Variants in CUEDC1 observed in about 807,000 individuals in gnomAD.
The protein encoded by CUEDC1 is CUE domain-containing protein 1.
Under a neutral mutation model 43.7 loss-of-function variants are expected in CUEDC1, and 30 were observed. The observed-to-expected ratio is 0.69, with a 90% CI of 0.51 to 0.93. CUEDC1 has a LOEUF of 0.93. Among genes scored for constraint, CUEDC1 ranks in the 40% least tolerant of loss-of-function variants. The pLI, the probability that CUEDC1 is intolerant of heterozygous loss-of-function variation, is 0.00. For synonymous variants in CUEDC1, 223 were observed against 223.6 expected (o/e 1.00, Z 0.02); for missense variants, 486 against 549.0 (o/e 0.89, Z 1.15).
intron 6 of CUEDC1, among the ~76,000 whole-genome samples, chr17:57,869,436 C>A (rs2074006207): frequency 6.6e-6 from 1 of 152,200 alleles, no homozygotes; most frequent in Non-Finnish European, 1.5e-5. Context: ...ACAGCCAGCT[C>A]GTGTGTGCTC....
At chr17:57,865,436 T>C (rs1233916465) in intron 10 of CUEDC1, among the ~76,000 whole-genome samples, 1 of 152,168 alleles carries the variant, frequency 6.6e-6, no homozygotes, top group African/African-American at 2.4e-5. Flanking sequence ...CAAGTGAGTA[T>C]TTCTCCATCG....
intron 1 of CUEDC1, among the ~76,000 whole-genome samples, chr17:57,909,508 TCTC>T (rs2074562320): frequency 1.3e-5 from 2 of 152,166 alleles, no homozygotes; most frequent in South Asian, 2.1e-4. Context: ...CCCTTCCACA[TCTC>T]CTGGGCAAAC....
At chr17:57,864,940 CCAG>C (rs1371422444) in intron 10 of CUEDC1, among the ~76,000 whole-genome samples, 2 of 152,106 alleles carry the variant, frequency 1.3e-5, no homozygotes, top group African/African-American at 4.8e-5. Context: ...GCCTATAATC[CCAG>C]CTACTCGGGA....
intron 10 of CUEDC1, among the ~76,000 whole-genome samples, chr17:57,864,930 G>A (rs1459798163): frequency 2.6e-5 from 4 of 152,212 alleles, no homozygotes; most frequent in Non-Finnish European, 2.9e-5. Flanking sequence ...GATAGTGGGT[G>A]CCTATAATCC....
At chr17:57,953,041 T>G (rs3943640) in intron 1 of CUEDC1, among the ~76,000 whole-genome samples, 80,097 of 151,912 alleles carry the variant, frequency 0.53, 24,283 homozygotes, top group East Asian at 0.97. Context: ...TCCAAAGGGA[T>G]CTAAGGAACC....
intron 2 of CUEDC1, 67 bp downstream of exon 2, chr17:57,885,162 G>T (rs532412140): frequency 1.4e-5 from 21 of 1,484,574 alleles, no homozygotes; most frequent in Non-Finnish European, 1.7e-5. Context: ...TACCCGGGCC[G>T]TGCCCCTACC....
intron 1 of CUEDC1, among the ~76,000 whole-genome samples, chr17:57,915,342 G>C (rs2074628225): frequency 6.6e-6 from 1 of 151,780 alleles, no homozygotes; most frequent in South Asian, 2.1e-4. Flanking sequence ...GGCACGCTCA[G>C]AGGTCCCCTC....
chr17:57,955,078 C>T lies in CUEDC1; in HGVS notation c.-316+147G>A, dbSNP rs1381646143. 2 of 150,592 alleles carry T rather than the reference C, an allele frequency of 1.3e-5. No individual in the cohort carries two copies. The highest frequency in any genetic ancestry group is 3.0e-5 in the Non-Finnish European group (2 of 67,476). The allele number at this position is 150,592 out of a possible 1,614,324, so 9.3% of individuals were successfully genotyped here. On this transcript the variant is annotated intron_variant, in intron 1 of 10. Transcript: ENST00000577830. This position sits in a 1 kb window ranked among gnomAD's most constrained non-coding sequence, Gnocchi z 5.3. ...ACAGCCCCGGGAATCAAACTCGCGA[C>T]GGCCCGGCCCTCCCGGCGGCGCCTG... is the stretch of plus-strand genomic sequence containing the variant.
chr17:57,889,100 C>T (rs2074329083), intron 1 of CUEDC1, among the ~76,000 whole-genome samples: 1 of 152,258 alleles, frequency 6.6e-6, no homozygotes, highest in African/African-American at 2.4e-5. Flanking sequence ...CACTCCCCAG[C>T]TGTGGGACCT....
rs183075333 is a variant in CUEDC1 at position 57,880,541 on chromosome 17, G to A, written c.337-803C>T. Among the ~76,000 whole-genome samples, 638 of 152,304 alleles carry A rather than the reference G, an allele frequency of 4.2e-3. 3 individuals carry two copies. Among genetic ancestry groups the A allele is most frequent in the African/African-American group, 0.015 (617 of 41,550 alleles). On this transcript the variant is annotated intron_variant, in intron 2 of 10. Transcript: ENST00000577830. ...CCCAAGCTCTTGTCTTTATCCAGGAGCCAAGAAGAGGGCCAGGGAGAGGCC... is the reference window on the plus strand; with the variant it reads ...CCCAAGCTCTTGTCTTTATCCAGGAACCAAGAAGAGGGCCAGGGAGAGGCC...
At chr17:57,934,559 TAAAAAAAAAAAAAA>T (rs575832390) in intron 1 of CUEDC1, among the ~76,000 whole-genome samples, 2 of 65,336 alleles carry the variant, frequency 3.1e-5, no homozygotes, top group Admixed American at 1.9e-4. Flanking sequence ...CCTGTCTCTC[TAAAAAAAAAAAAAA>T]AAAAAAAAAA....
chr17:57,885,586 A>G lies in CUEDC1; in HGVS notation c.-22T>C. On this transcript the variant is annotated 5_prime_UTR_variant, in exon 2 of 11. Transcript: ENST00000577830. The stretch of plus-strand genomic sequence containing the variant: ...TCATTTTGCGGAGCCGCTTGGGGAA[A>G]ATGTTTCTAGCCGGCCGCAAAGCCC... 7.4e-7 allele frequency: 1 copy of G among 1,344,314 alleles called. No individual in the cohort carries two copies. The highest frequency in any genetic ancestry group is 9.5e-7 in the Non-Finnish European group (1 of 1,054,176). 83.3% of individuals were successfully genotyped at this position (1,344,314 alleles called of 1,614,324 possible). A position where few individuals can be genotyped will look rare whatever the true frequency, so the allele number is the denominator to read the frequency against.
chr17:57,892,137 G>GT (rs1324837986), intron 1 of CUEDC1, among the ~76,000 whole-genome samples: 1 of 152,104 alleles, frequency 6.6e-6, no homozygotes, highest in Admixed American at 6.5e-5. Flanking sequence ...GGCCTTTTCA[G>GT]TTTCCAAAGC....
At chr17:57,938,101 C>T (rs1229977088) in intron 1 of CUEDC1, among the ~76,000 whole-genome samples, 1 of 152,206 alleles carries the variant, frequency 6.6e-6, no homozygotes, top group African/African-American at 2.4e-5. Context: ...TATATGGACA[C>T]AGGCTGCACA....
intron 1 of CUEDC1, among the ~76,000 whole-genome samples, chr17:57,932,892 T>C (rs2074822609): frequency 6.6e-6 from 1 of 151,028 alleles, no homozygotes; most frequent in Non-Finnish European, 1.5e-5. Context: ...GTCCAGGCGC[T>C]AGAGCAAGGG....
At chr17:57,868,474 A>T (rs1422714767) in intron 7 of CUEDC1, 1 of 564,412 alleles carries the variant, frequency 1.8e-6, no homozygotes, top group Non-Finnish European at 3.2e-6. Context: ...GCAGCACAGG[A>T]CACCCTGAGC....
At chr17:57,887,879 CTTTTCT>C (rs988459953) in intron 1 of CUEDC1, among the ~76,000 whole-genome samples, 9 of 128,380 alleles carry the variant, frequency 7.0e-5, no homozygotes, top group South Asian at 5.5e-4. Context: ...TCGATTTTTT[CTTTTCT>C]TTTTCTTTTT....
At position 57,885,477 on chromosome 17, in the gene CUEDC1, G is replaced by A. The variant is rs780972399; in HGVS notation, c.88C>T (p.Pro30Ser). The A allele has an allele frequency of 3.2e-6, 5 of 1,572,990 alleles. No individual in the cohort carries two copies. The highest frequency in any genetic ancestry group is 4.3e-6 in the Non-Finnish European group (5 of 1,164,364). ...ARGGGGGTAA[P>S]QELNNSRPAR... The stretch of plus-strand genomic sequence containing the variant: ...GGCCGGCTGTTGTTGAGCTCCTGGG[G>A]GGCGGCCGTGCCTCCCCCGCCCCCG... The change falls in exon 2 of 11, where the codon CCC becomes TCC. Residue 30 changes from proline to serine, a missense_variant. Coordinates refer to ENST00000577830, the MANE Select transcript of CUEDC1 (RefSeq NM_001271875.2).
At chr17:57,951,750 C>T (rs1354280377) in intron 1 of CUEDC1, among the ~76,000 whole-genome samples, 2 of 152,192 alleles carry the variant, frequency 1.3e-5, no homozygotes, top group African/African-American at 4.8e-5. Context: ...GGAGCCACCA[C>T]GCCCAGCCTA....
Sources: allele counts gnomAD v4.1 joint callset (sites outside exome capture counted in the v4.1 genomes callset), GRCh38; gene constraint gnomAD v4.1.1; non-coding constraint Gnocchi (gnomAD v3.1); transcripts MANE v1.5; gene names NCBI Gene and HGNC (gene_info 2026-07-23, HGNC 2026-07-21).